GRXCR1: variants seen among roughly 807,000 people sequenced by gnomAD.
GRXCR1 encodes glutaredoxin and cysteine rich domain containing 1.
GRXCR1 carries 27 observed loss-of-function variants against 27.3 expected under a neutral mutation model. That is an observed-to-expected ratio of 0.99 (90% CI 0.73 to 1.37). The LOEUF is 1.37. Ranked by LOEUF, GRXCR1 falls within the 40% of genes most tolerant of loss-of-function variation. The pLI is 0.00. For missense variants in GRXCR1, 379 were observed against 354.4 expected (o/e 1.07, Z -0.56); for synonymous variants, 122 against 131.1 (o/e 0.93, Z 0.47).
At chr4:43,007,787 A>G (rs1712612030) in intron 2 of GRXCR1, among the ~76,000 whole-genome samples, 1 of 152,214 alleles carries the variant, frequency 6.6e-6, no homozygotes, top group Non-Finnish European at 1.5e-5. Flanking sequence ...GCTTTAGCTT[A>G]AAAGTCCAAA....
At chr4:43,014,054 C>CAAAAA (rs3047831) in intron 2 of GRXCR1, among the ~76,000 whole-genome samples, 1 of 123,730 alleles carries the variant, frequency 8.1e-6, no homozygotes, top group African/African-American at 2.9e-5. Flanking sequence ...TACATAATTG[C>CAAAAA]AAAAAAAAAA....
At chr4:42,921,667 A>G (rs1446488155) in intron 1 of GRXCR1, among the ~76,000 whole-genome samples, 1 of 152,140 alleles carries the variant, frequency 6.6e-6, no homozygotes, top group South Asian at 2.1e-4. Flanking sequence ...TCAGATTACC[A>G]TATTTAAATA....
At chr4:42,922,515 T>G (rs1040255183) in intron 1 of GRXCR1, among the ~76,000 whole-genome samples, 1 of 152,108 alleles carries the variant, frequency 6.6e-6, no homozygotes, top group African/African-American at 2.4e-5. Flanking sequence ...TCTGGAGAGA[T>G]AGTTCTGCAG....
At chr4:43,010,217 C>T (rs1712702095) in intron 2 of GRXCR1, among the ~76,000 whole-genome samples, 1 of 152,206 alleles carries the variant, frequency 6.6e-6, no homozygotes, top group East Asian at 1.9e-4. Flanking sequence ...GCTTGGCTAA[C>T]ATGGTGAAAC....
At chr4:42,988,834 A>G (rs1273554182) in intron 2 of GRXCR1, among the ~76,000 whole-genome samples, 2 of 152,230 alleles carry the variant, frequency 1.3e-5, no homozygotes, top group African/African-American at 2.4e-5. Context: ...TTTTCAGACT[A>G]TAAGTCATAT....
At chr4:42,950,919 TTCTCTC>T (rs371100995) in intron 1 of GRXCR1, among the ~76,000 whole-genome samples, 1 of 150,792 alleles carries the variant, frequency 6.6e-6, no homozygotes, top group Non-Finnish European at 1.5e-5. Context: ...ATGTCTATAT[TTCTCTC>T]TCTCTCTCTC....
At position 42,900,263 on chromosome 4, in the gene GRXCR1, T is replaced by C. The variant is rs543257902; in HGVS notation, c.384+6613T>C. ...AGAATAAGATGTCATGCAGAAATTT[T>C]CAGTTAAGGGCATTTTATTTACGTG... On this transcript the variant is annotated intron_variant, in intron 1 of 3. Transcript: ENST00000399770. 9.8e-5 allele frequency among the ~76,000 whole-genome samples: 15 copies of C among 152,334 alleles called. No individual in the cohort carries two copies. In the East Asian group the frequency reaches 2.7e-3, roughly 27 times the overall value.
intron 2 of GRXCR1, among the ~76,000 whole-genome samples, chr4:42,991,459 T>TAC (rs1711972398): frequency 1.4e-5 from 2 of 147,394 alleles, no homozygotes; most frequent in African/African-American, 4.9e-5. Flanking sequence ...GCTCTCTCTC[T>TAC]ACACACACAC....
intron 1 of GRXCR1, among the ~76,000 whole-genome samples, chr4:42,929,800 AATAATT>A (rs1193989149): frequency 1.3e-5 from 2 of 151,952 alleles, no homozygotes; most frequent in East Asian, 3.9e-4. Context: ...TAGCAATAAT[AATAATT>A]ATAACACCTG....
intron 3 of GRXCR1, among the ~76,000 whole-genome samples, chr4:43,026,752 G>A (rs1209834579): frequency 6.6e-6 from 1 of 152,118 alleles, no homozygotes; most frequent in Non-Finnish European, 1.5e-5. Flanking sequence ...TTAAAAACCA[G>A]CTTAGAGGCT....
chr4:43,028,303 C>T (rs1210630836), intron 3 of GRXCR1, among the ~76,000 whole-genome samples: 1 of 152,140 alleles, frequency 6.6e-6, no homozygotes, highest in African/African-American at 2.4e-5. Context: ...ATGTCTCATA[C>T]AATATTTAGT....
intron 2 of GRXCR1, among the ~76,000 whole-genome samples, chr4:42,982,674 A>G (rs1436450219): frequency 2.9e-5 from 4 of 137,296 alleles, no homozygotes; most frequent in African/African-American, 1.0e-4. Context: ...TCCCACCAAC[A>G]GTGTAAAAGT....
At chr4:42,902,999 T>A (rs529169079) in intron 1 of GRXCR1, among the ~76,000 whole-genome samples, 1 of 152,132 alleles carries the variant, frequency 6.6e-6, no homozygotes, top group South Asian at 2.1e-4. Context: ...TAGCTTGTTG[T>A]CAGAGTATAA....
intron 1 of GRXCR1, among the ~76,000 whole-genome samples, chr4:42,914,985 CCTTGT>C (rs1159543643): frequency 6.6e-6 from 1 of 152,110 alleles, no homozygotes; most frequent in African/African-American, 2.4e-5. Context: ...TTTCCTGAGG[CCTTGT>C]AAGTTCCCCA....
chr4:42,962,513 C>G (rs559871877), intron 1 of GRXCR1, among the ~76,000 whole-genome samples: 2 of 152,028 alleles, frequency 1.3e-5, no homozygotes, highest in South Asian at 4.1e-4. Context: ...ATAACCTTGA[C>G]TATTCTGTGG....
intron 2 of GRXCR1, among the ~76,000 whole-genome samples, chr4:42,974,034 C>CT (rs1369108192): frequency 2.6e-5 from 4 of 152,132 alleles, no homozygotes; most frequent in African/African-American, 9.7e-5. Flanking sequence ...ACCAACGTTT[C>CT]ATATGGCCAC....
chr4:43,017,706 A>T (rs1029332124), intron 2 of GRXCR1, among the ~76,000 whole-genome samples: 2 of 152,184 alleles, frequency 1.3e-5, no homozygotes, highest in Non-Finnish European at 2.9e-5. Context: ...TTCCACTAGC[A>T]TAGAATTGAA....
intron 2 of GRXCR1, among the ~76,000 whole-genome samples, chr4:43,003,822 G>A (rs1463589393): frequency 1.3e-5 from 2 of 152,238 alleles, no homozygotes; most frequent in African/African-American, 2.4e-5. Flanking sequence ...GTTTAAAGGG[G>A]AAGCAGAGCA....
chr4:42,972,793 G>T (rs1748420496), intron 2 of GRXCR1, among the ~76,000 whole-genome samples: 1 of 152,112 alleles, frequency 6.6e-6, no homozygotes, highest in Non-Finnish European at 1.5e-5. Flanking sequence ...TCTGGCTATT[G>T]CTTGAGCTTT....
Sources: allele counts gnomAD v4.1 joint callset (sites outside exome capture counted in the v4.1 genomes callset), GRCh38; gene constraint gnomAD v4.1.1; transcripts MANE v1.5; gene names NCBI Gene and HGNC (gene_info 2026-07-23, HGNC 2026-07-21).